Variants in CDC16 observed in about 807,000 individuals in gnomAD.
CDC16 encodes cell division cycle protein 16 homolog.
Under a neutral mutation model 87.0 loss-of-function variants are expected in CDC16, and 34 were observed. The observed-to-expected ratio is 0.39, with a 90% CI of 0.30 to 0.52. CDC16 has a LOEUF of 0.52. Among genes scored for constraint, CDC16 ranks in the 20% least tolerant of loss-of-function variants. CDC16 has a pLI of 0.74. For synonymous variants in CDC16, 263 were observed against 260.6 expected (o/e 1.01, Z -0.09); for missense variants, 653 against 751.9 (o/e 0.87, Z 1.54).
chr13:114,254,336 T>C (rs73576948), intron 12 of CDC16, among the ~76,000 whole-genome samples: 1 of 152,238 alleles, frequency 6.6e-6, no homozygotes, highest in Non-Finnish European at 1.5e-5. Context: ...GAGTAAATAT[T>C]TTATAATGTC....
rs1258235352 is a variant in CDC16 at position 114,272,704 on chromosome 13, A to G, written c.*261A>G. 2 of 325,936 alleles carry G rather than the reference A, an allele frequency of 6.1e-6. No individual in the cohort carries two copies. The highest frequency in any genetic ancestry group is 1.1e-5 in the Non-Finnish European group (2 of 179,964). The allele number at this position is 325,936 out of a possible 1,614,324, so 20.2% of individuals were successfully genotyped here. A position where few individuals can be genotyped will look rare whatever the true frequency, so the allele number is the denominator to read the frequency against. On this transcript the variant is annotated 3_prime_UTR_variant, in exon 18 of 18. Transcript: ENST00000356221. ...TATGTCTTTTTTTTTCTTTTCCAATAAACTTTTATTTTGGACTAATTTTTG... is the reference window on the plus strand; with the variant it reads ...TATGTCTTTTTTTTTCTTTTCCAATGAACTTTTATTTTGGACTAATTTTTG...
intron 17 of CDC16, among the ~76,000 whole-genome samples, chr13:114,267,812 G>A (rs1369856372): frequency 1.4e-5 from 2 of 146,862 alleles, no homozygotes; most frequent in Non-Finnish European, 2.9e-5. Context: ...TCCTTGTCCT[G>A]TGTAACCTCC....
chr13:114,249,296 G>A (rs896610403), intron 11 of CDC16, among the ~76,000 whole-genome samples: 1 of 151,794 alleles, frequency 6.6e-6, no homozygotes, highest in Non-Finnish European at 1.5e-5. Flanking sequence ...AGGCGGAAAT[G>A]CAAGTGAAGG....
chr13:114,262,857 A>G (rs890431763), intron 15 of CDC16, 22 bp from the exon 16 acceptor site: 6 of 1,613,848 alleles, frequency 3.7e-6, no homozygotes, highest in East Asian at 2.2e-5. Context: ...ACTGTAGCCA[A>G]TAATTGTGTT....
intron 13 of CDC16, 46 bp downstream of exon 13, chr13:114,257,276 A>C (rs998532431): frequency 7.0e-7 from 1 of 1,419,704 alleles, no homozygotes; most frequent in Non-Finnish European, 9.7e-7. Flanking sequence ...TAGTGATTGT[A>C]AATACAGTAG....
In CDC16 at chr13:114,265,553, A is replaced by AT. The variant is rs2083149143; in HGVS notation, c.1603+318dup. 2.6e-5 allele frequency among the ~76,000 whole-genome samples: 4 copies of AT among 152,198 alleles called. No individual in the cohort carries two copies. The South Asian group carries it at 8.3e-4, about 32-fold the overall frequency. Reference sequence around the variant, plus strand: ...TAATGGGAAAAGAAATCTTAGCAACATTTTTCTGATAAACAATTGAAGAGG... The same window carrying AT: ...TAATGGGAAAAGAAATCTTAGCAACATTTTTTCTGATAAACAATTGAAGAGG... On this transcript the variant is annotated intron_variant, in intron 17 of 17. Coordinates refer to ENST00000356221, the MANE Select transcript of CDC16 (RefSeq NM_001078645.3).
At chr13:114,264,949 C>T in intron 16 of CDC16, 1 of 483,408 alleles carries the variant, frequency 2.1e-6, no homozygotes, top group South Asian at 2.5e-5. Flanking sequence ...GGTAGATTTC[C>T]AGCATAAGAA....
At chr13:114,255,602 A>C (rs1036884705) in intron 12 of CDC16, among the ~76,000 whole-genome samples, 2 of 152,094 alleles carry the variant, frequency 1.3e-5, no homozygotes, top group African/African-American at 4.8e-5. Flanking sequence ...AAAAAAAAAA[A>C]ACCTGAAATC....
At chr13:114,241,192 A>G (rs1040749613) in intron 5 of CDC16, among the ~76,000 whole-genome samples, 2 of 152,216 alleles carry the variant, frequency 1.3e-5, no homozygotes, top group African/African-American at 2.4e-5. Context: ...CACCACAGAG[A>G]TGGTAGCATC....
At chr13:114,258,180 AAAAT>A (rs1206531065) in intron 13 of CDC16, among the ~76,000 whole-genome samples, 10 of 152,250 alleles carry the variant, frequency 6.6e-5, no homozygotes, top group African/African-American at 2.2e-4. Context: ...TTGAAGCTTT[AAAAT>A]AAATAGTAAT....
chr13:114,270,974 T>G (rs1209795420), intron 17 of CDC16, among the ~76,000 whole-genome samples: 4 of 141,148 alleles, frequency 2.8e-5, no homozygotes, highest in African/African-American at 1.1e-4. Flanking sequence ...CAGGCTGGAG[T>G]GCAGTGGTGC....
chr13:114,236,960 G>A, intron 3 of CDC16, 64 bp downstream of exon 3: 1 of 1,097,768 alleles, frequency 9.1e-7, no homozygotes, highest in South Asian at 1.5e-5. Flanking sequence ...TAGTGGCCGG[G>A]CGCGGTGGCT....
chr13:114,239,636 A>C, intron 5 of CDC16, 146 bp downstream of exon 5: 1 of 1,227,824 alleles, frequency 8.1e-7, no homozygotes, highest in Non-Finnish European at 1.0e-6. Context: ...AAAACCAAAA[A>C]AGATTCTGAG....
chr13:114,270,689 G>A lies in CDC16; in HGVS notation c.1604-1495G>A, dbSNP rs371983178. Among the ~76,000 whole-genome samples, 306 of 152,194 alleles carry A rather than the reference G, an allele frequency of 2.0e-3. 1 individual carries two copies. The highest frequency in any genetic ancestry group is 7.0e-3 in the African/African-American group (292 of 41,524). ...TTAAGGGGATTCACACTTGACTCTT[G>A]GTTTTAGCTCAATTTTAAAAAACAA... On this transcript the variant is annotated intron_variant, in intron 17 of 17. Transcript: ENST00000356221.
At chr13:114,262,673 C>T (rs1175421832) in intron 15 of CDC16, among the ~76,000 whole-genome samples, 2 of 152,194 alleles carry the variant, frequency 1.3e-5, no homozygotes, top group Non-Finnish European at 2.9e-5. Context: ...CAGGAGTGCC[C>T]TTGGCCGGCG....
chr13:114,257,412 C>G (rs938928454), intron 13 of CDC16, among the ~76,000 whole-genome samples, 182 bp downstream of exon 13: 1 of 152,138 alleles, frequency 6.6e-6, no homozygotes, highest in Non-Finnish European at 1.5e-5. Context: ...CTTAAAAATT[C>G]TAAACCCAGG....
chr13:114,269,634 A>G (rs911872535), intron 17 of CDC16, among the ~76,000 whole-genome samples: 1 of 152,248 alleles, frequency 6.6e-6, no homozygotes, highest in Non-Finnish European at 1.5e-5. Context: ...TGTTCATACA[A>G]TAGAATACTA....
chr13:114,248,659 C>T (rs561192099), intron 11 of CDC16, among the ~76,000 whole-genome samples: 8 of 150,600 alleles, frequency 5.3e-5, no homozygotes, highest in African/African-American at 2.0e-4. Context: ...CCAGCCTCGC[C>T]GACAGAGTGA....
Position 114,239,953 on chromosome 13 carries a change from C to T in CDC16, c.381+463C>T, listed in dbSNP as rs1041261571. The stretch of plus-strand genomic sequence containing the variant: ...TCTCCATGAAATTGCACATTCCTTG[C>T]TGGCAGACATCATATAGTAACTTAT... On this transcript the variant is annotated intron_variant, in intron 5 of 17. Transcript: ENST00000356221. Among the ~76,000 whole-genome samples the T allele has an allele frequency of 2.6e-5, 4 of 152,088 alleles. No homozygotes were observed. In the South Asian group the frequency reaches 8.3e-4, roughly 32 times the overall value.
Sources: gnomAD v4.1 joint callset for allele counts (sites outside exome capture counted in the v4.1 genomes callset) on GRCh38, gnomAD v4.1.1 for gene constraint, MANE v1.5 for transcripts, NCBI Gene and HGNC (gene_info 2026-07-23, HGNC 2026-07-21) for gene names.